Variants in THOC2 observed in about 807,000 individuals in gnomAD.
The protein encoded by THOC2 is THO complex subunit 2.
Under a neutral mutation model 128.4 loss-of-function variants are expected in THOC2, and 10 were observed. The observed-to-expected ratio is 0.08, with a 90% CI of 0.05 to 0.13. The LOEUF is 0.13. Among genes scored for constraint, THOC2 ranks in the 10% least tolerant of loss-of-function variants. The pLI is 1.00. For synonymous variants in THOC2, 393 were observed against 396.9 expected (o/e 0.99, Z 0.12); for missense variants, 535 against 1,155.7 (o/e 0.46, Z 7.79).
intron 8 of THOC2, among the ~76,000 whole-genome samples, chrX:123,677,135 T>C (rs964579597): frequency 2.7e-5 from 3 of 111,800 alleles, no homozygotes; most frequent in Non-Finnish European, 5.6e-5. Context: ...TTGAATACTA[T>C]AGGCAACTGT....
chrX:123,644,497 T>C, intron 15 of THOC2, 78 bp downstream of exon 15: 1 of 753,056 alleles, frequency 1.3e-6, no homozygotes, highest in Non-Finnish European at 1.9e-6. Flanking sequence ...AAACTGAGGC[T>C]CAGACAAGCT....
chrX:123,698,703 C>T (rs1203032400), intron 4 of THOC2, among the ~76,000 whole-genome samples: 2 of 107,567 alleles, frequency 1.9e-5, no homozygotes, highest in Non-Finnish European at 3.8e-5. Flanking sequence ...GATGAAACCC[C>T]GTCTCTACTA....
chrX:123,672,242 G>A (rs1301318416), intron 8 of THOC2, among the ~76,000 whole-genome samples: 3 of 109,272 alleles, frequency 2.7e-5, no homozygotes, highest in South Asian at 4.0e-4. Context: ...AGGCTCAAGC[G>A]ATCCTCCCAC....
At chrX:123,627,578 T>G (rs1408925874) in intron 23 of THOC2, 115 bp downstream of exon 23, 2 of 790,008 alleles carry the variant, frequency 2.5e-6, no homozygotes, top group Admixed American at 6.7e-5. Context: ...TAAGAAAATA[T>G]TATATAGCAA....
Position 123,613,725 on chromosome X carries a change from T to C in THOC2, c.4450-17A>G, listed in dbSNP as rs925953313. 8.4e-7 allele frequency: 1 copy of C among 1,194,979 alleles called. No homozygotes were observed. The highest frequency in any genetic ancestry group is 1.8e-5 in the South Asian group (1 of 56,274). On this transcript the variant is annotated splice_polypyrimidine_tract_variant and intron_variant, in intron 34 of 38. Transcript: ENST00000245838. ...TGAGTGATCCTAGAACCAAGAATTG[T>C]GAACTACATTGACCAAGGGCTTCTG...
At chrX:123,648,174 G>A (rs1050930001) in intron 12 of THOC2, among the ~76,000 whole-genome samples, 1 of 111,676 alleles carries the variant, frequency 9.0e-6, no homozygotes, top group Non-Finnish European at 1.9e-5. Context: ...AAGCAGGGTG[G>A]GGCATTGCCT....
chrX:123,680,240 G>A (rs753859442), intron 8 of THOC2, among the ~76,000 whole-genome samples: 17 of 112,073 alleles, frequency 1.5e-4, no homozygotes, highest in African/African-American at 5.2e-4. Flanking sequence ...GGGGAAAACC[G>A]CCTTAGGGCT....
chrX:123,607,454 T>TTATG (rs1482102766), intron 38 of THOC2, among the ~76,000 whole-genome samples: 1 of 103,951 alleles, frequency 9.6e-6, no homozygotes, highest in Non-Finnish European at 2.0e-5. Flanking sequence ...TTTTATTTAT[T>TTATG]TATTTATTTA....
chrX:123,728,354 TAACA>T (rs999934190), intron 1 of THOC2, among the ~76,000 whole-genome samples: 8 of 111,904 alleles, frequency 7.1e-5, no homozygotes, highest in African/African-American at 2.3e-4. Flanking sequence ...TAATTTTTTT[TAACA>T]AACAAAGTAG....
At chrX:123,666,926 G>A (rs1458076319) in intron 11 of THOC2, among the ~76,000 whole-genome samples, 180 bp downstream of exon 11, 1 of 112,032 alleles carries the variant, frequency 8.9e-6, no homozygotes, top group African/African-American at 3.2e-5. Context: ...TGGTCTAGAC[G>A]TTAGAAGACA....
intron 33 of THOC2, among the ~76,000 whole-genome samples, chrX:123,616,112 C>T (rs1213398995): frequency 9.0e-6 from 1 of 111,294 alleles, no homozygotes; most frequent in Non-Finnish European, 1.9e-5. Flanking sequence ...TAAAATCCTA[C>T]TTAGCCTTCA....
At chrX:123,623,498 T>C in intron 28 of THOC2, 1 of 550,783 alleles carries the variant, frequency 1.8e-6, no homozygotes, top group Non-Finnish European at 2.6e-6. Context: ...TAAACTAAGA[T>C]GGCTTTTTTT....
intron 12 of THOC2, among the ~76,000 whole-genome samples, chrX:123,647,190 A>C (rs939672303): frequency 7.1e-5 from 8 of 112,091 alleles, no homozygotes; most frequent in African/African-American, 2.6e-4. Context: ...CTAGAAGAGC[A>C]GTAAAAGACC....
chrX:123,715,036 T>G (rs2051346211), intron 1 of THOC2, among the ~76,000 whole-genome samples: 1 of 105,554 alleles, frequency 9.5e-6, no homozygotes. Flanking sequence ...TTTTTTTTTT[T>G]TGACACAGTA....
intron 1 of THOC2, among the ~76,000 whole-genome samples, chrX:123,715,852 GAT>G (rs1394806043): frequency 2.1e-5 from 2 of 94,345 alleles, no homozygotes; most frequent in Non-Finnish European, 4.3e-5. Context: ...TTTAAAAAAA[GAT>G]CAACAAAACT....
chrX:123,726,972 G>A (rs925276224), intron 1 of THOC2, among the ~76,000 whole-genome samples: 3 of 111,376 alleles, frequency 2.7e-5, no homozygotes, highest in Non-Finnish European at 3.8e-5. Context: ...GGCTGAGGGG[G>A]GAGGATCACT....
chrX:123,687,007 A>C (rs766770381), intron 7 of THOC2, among the ~76,000 whole-genome samples: 2 of 111,622 alleles, frequency 1.8e-5, no homozygotes, highest in African/African-American at 6.5e-5. Flanking sequence ...ACTTTGCCTC[A>C]TCAGTTCTTG....
intron 7 of THOC2, among the ~76,000 whole-genome samples, chrX:123,687,320 AAAG>A (rs1569422489): frequency 7.1e-5 from 8 of 112,023 alleles, no homozygotes; most frequent in Non-Finnish European, 1.5e-4. Context: ...CTAACAGATC[AAAG>A]AATACCAAGG....
chrX:123,609,971 G>A (rs1422616112), intron 38 of THOC2, among the ~76,000 whole-genome samples: 3 of 110,703 alleles, frequency 2.7e-5, no homozygotes, highest in African/African-American at 9.9e-5. Flanking sequence ...AGAGGTTGCA[G>A]TGAGCTGAGA....
Sources: gnomAD v4.1 joint callset for allele counts (sites outside exome capture counted in the v4.1 genomes callset) on GRCh38, gnomAD v4.1.1 for gene constraint, MANE v1.5 for transcripts, NCBI Gene and HGNC (gene_info 2026-07-23, HGNC 2026-07-21) for gene names.